The following PVT1 variants were observed in gnomAD, a reference collection of about 807,000 sequenced individuals.
PVT1 encodes Pvt1 oncogene, also known as CXCR4/PVT1 fusion.
chr8:128,080,234 G>C (rs1451143975), intron 5 of PVT1, among the ~76,000 whole-genome samples: 1 of 152,160 alleles, frequency 6.6e-6, no homozygotes, highest in African/African-American at 2.4e-5. Flanking sequence ...TAAGTTTTCA[G>C]CTTATTTGGG....
At chr8:128,007,730 T>A (rs900533687) in intron 4 of PVT1, among the ~76,000 whole-genome samples, 1 of 152,256 alleles carries the variant, frequency 6.6e-6, no homozygotes, top group African/African-American at 2.4e-5. Flanking sequence ...ATGTGGGTTG[T>A]ATGCATGAGT....
chr8:127,823,267 C>T (rs1435744976), intron 2 of PVT1, among the ~76,000 whole-genome samples: 1 of 152,096 alleles, frequency 6.6e-6, no homozygotes. Context: ...CTGTGGCTGC[C>T]AGCCCATCCC....
At chr8:128,000,781 G>T (rs145551141) in intron 4 of PVT1, among the ~76,000 whole-genome samples, 1 of 152,234 alleles carries the variant, frequency 6.6e-6, no homozygotes, top group East Asian at 1.9e-4. Context: ...CAGCTGCGTT[G>T]TGCTACTATC....
chr8:128,016,673 T>C (rs1817377767), intron 4 of PVT1, among the ~76,000 whole-genome samples: 1 of 152,210 alleles, frequency 6.6e-6, no homozygotes, highest in African/African-American at 2.4e-5. Flanking sequence ...ACCACACAAC[T>C]GGTGCTGTGA....
At chr8:127,818,260 G>A (rs1041893981) in intron 2 of PVT1, among the ~76,000 whole-genome samples, 6 of 152,090 alleles carry the variant, frequency 3.9e-5, no homozygotes, top group Non-Finnish European at 5.9e-5. Context: ...ATACCCCCCT[G>A]CCAAGATACG....
chr8:128,006,158 AGGGAAATTT>A, intron 4 of PVT1, among the ~76,000 whole-genome samples: 1 of 150,108 alleles, frequency 6.7e-6, no homozygotes, highest in Non-Finnish European at 1.5e-5. Flanking sequence ...TAAAAAGATA[AGGGAAATTT>A]GGGCAGGACT....
chr8:127,851,587 C>T (rs1815107712), intron 2 of PVT1, among the ~76,000 whole-genome samples: 1 of 152,162 alleles, frequency 6.6e-6, no homozygotes, highest in South Asian at 2.1e-4. Context: ...GATGTGGCCT[C>T]TTCTGCCTCC....
chr8:127,836,638 A>G (rs1321691291), intron 2 of PVT1, among the ~76,000 whole-genome samples: 1 of 152,198 alleles, frequency 6.6e-6, no homozygotes, highest in East Asian at 1.9e-4. Flanking sequence ...TGCTAATAAT[A>G]AAATAAGAAC....
intron 2 of PVT1, among the ~76,000 whole-genome samples, chr8:127,867,520 G>T (rs1412656332): frequency 6.6e-6 from 1 of 152,212 alleles, no homozygotes; most frequent in East Asian, 1.9e-4. Flanking sequence ...GCTGGGGAGG[G>T]CTCTGCTGAA....
intron 2 of PVT1, among the ~76,000 whole-genome samples, chr8:127,848,909 G>A (rs921666019): frequency 3.3e-5 from 5 of 152,200 alleles, no homozygotes; most frequent in African/African-American, 1.2e-4. Context: ...TCCAGGCCTA[G>A]AGAGGACTGA....
At chr8:127,963,784 G>A (rs1375335483) in intron 3 of PVT1, among the ~76,000 whole-genome samples, 1 of 152,204 alleles carries the variant, frequency 6.6e-6, no homozygotes, top group Non-Finnish European at 1.5e-5. Context: ...TGGAATGGAG[G>A]AATGGAGTCC....
intron 4 of PVT1, among the ~76,000 whole-genome samples, chr8:127,997,047 T>C (rs1817113565): frequency 7.9e-6 from 1 of 126,882 alleles, no homozygotes; most frequent in South Asian, 3.3e-4. Context: ...TGCTTTCGTT[T>C]TTTTTTTTTG....
At chr8:128,092,891 A>G (rs1046227830) in intron 5 of PVT1, among the ~76,000 whole-genome samples, 2 of 152,122 alleles carry the variant, frequency 1.3e-5, no homozygotes, top group Non-Finnish European at 2.9e-5. Flanking sequence ...TCAGTCTTCC[A>G]TCCCGCTCTC....
chr8:127,846,777 T>C (rs1815038979), intron 2 of PVT1, among the ~76,000 whole-genome samples: 1 of 151,804 alleles, frequency 6.6e-6, no homozygotes. Context: ...ATTCAAGCGA[T>C]TCTCCTGCCT....
intron 2 of PVT1, among the ~76,000 whole-genome samples, chr8:127,822,541 C>A (rs1296501615): frequency 6.6e-6 from 1 of 152,084 alleles, no homozygotes; most frequent in African/African-American, 2.4e-5. Context: ...CACGCTACTG[C>A]ACTCCAGCCT....
intron 2 of PVT1, among the ~76,000 whole-genome samples, chr8:127,822,291 A>G (rs1021523706): frequency 7.2e-5 from 11 of 152,216 alleles, no homozygotes; most frequent in Non-Finnish European, 2.9e-5. Context: ...AAACAATTCA[A>G]TGCAGGCTGG....
intron 5 of PVT1, among the ~76,000 whole-genome samples, chr8:128,078,934 C>T (rs951401578): frequency 6.6e-6 from 1 of 151,934 alleles, no homozygotes; most frequent in African/African-American, 2.4e-5. Context: ...ACTATAGGCA[C>T]CAGCCACCAC....
intron 4 of PVT1, among the ~76,000 whole-genome samples, chr8:128,050,751 C>G (rs760675535): frequency 6.6e-6 from 1 of 152,204 alleles, no homozygotes; most frequent in Non-Finnish European, 1.5e-5. Context: ...AAGAACCTGT[C>G]TAAAGGCTCC....
intron 2 of PVT1, among the ~76,000 whole-genome samples, chr8:127,842,106 A>G (rs1306508652): frequency 2.0e-5 from 3 of 151,102 alleles, no homozygotes; most frequent in Non-Finnish European, 4.4e-5. Flanking sequence ...CTTATTTTTA[A>G]AAGTTGTATG....
Sources: allele counts gnomAD v4.1 joint callset (sites outside exome capture counted in the v4.1 genomes callset), GRCh38; gene constraint gnomAD v4.1.1; transcripts MANE v1.5; gene names NCBI Gene and HGNC (gene_info 2026-07-23, HGNC 2026-07-21).